Variants in ANK3 observed in about 807,000 individuals in gnomAD.
The protein encoded by ANK3 is ankyrin 3.
ANK3 carries 57 observed loss-of-function variants against 370.9 expected under a neutral mutation model. The ratio of observed to expected loss-of-function variants is 0.15; its 90% CI spans 0.12 to 0.19. The LOEUF is 0.19. ANK3 is among the 10% of genes least tolerant of loss of function. The pLI is 1.00. For synonymous variants in ANK3, 1,929 were observed against 1,946.3 expected (o/e 0.99, Z 0.23); for missense variants, 4,439 against 5,302.1 (o/e 0.84, Z 5.06).
intron 2 of ANK3, among the ~76,000 whole-genome samples, chr10:60,411,318 T>C (rs1292782666): frequency 6.6e-6 from 1 of 152,258 alleles, no homozygotes. Flanking sequence ...TAGCAATAAC[T>C]GTACTTTCTG....
rs758009262 is a variant in ANK3, at chr10:60,083,617, C to T, written c.4075G>A (p.Val1359Ile). The T allele has an allele frequency of 1.3e-6, 2 of 1,587,884 alleles. No individual in the cohort carries two copies. Among genetic ancestry groups the T allele is most frequent in the East Asian group, 2.2e-5 (1 of 44,564 alleles). The change falls in exon 33 of 44, where the codon GTT becomes ATT. Residue 1359 changes from valine (V) to isoleucine (I), a missense_variant and splice_region_variant. Val to Ile is a conservative substitution (Grantham distance 29, BLOSUM62 3). Coordinates refer to ENST00000280772, the MANE Select transcript of ANK3 (RefSeq NM_020987.5). ...EEVARSKDIE[V>I]LEGKPIYVDC... Reference sequence around the variant, plus strand: ...ACATAAATAGGTTTTCCTTCCAGAACCTTTTAGAGTAAAAGAAATAAACAA... The same window carrying T: ...ACATAAATAGGTTTTCCTTCCAGAATCTTTTAGAGTAAAAGAAATAAACAA...
intron 18 of ANK3, among the ~76,000 whole-genome samples, chr10:60,177,950 A>G (rs1277236646): frequency 6.6e-6 from 1 of 152,126 alleles, no homozygotes; most frequent in Non-Finnish European, 1.5e-5. Flanking sequence ...CACTTAGTTC[A>G]GGCCTTCTTT....
At position 60,075,535 on chromosome 10, in the gene ANK3, A is replaced by C. The variant is rs1468781207; in HGVS notation, c.5346T>G (p.Val1782=). 6.2e-7 allele frequency: 1 copy of C among 1,613,988 alleles called. No individual in the cohort carries two copies. Among genetic ancestry groups the C allele is most frequent in the Non-Finnish European group, 8.5e-7 (1 of 1,180,000 alleles). Residue 1782 remains valine (V), a synonymous_variant, in exon 37 of 44, where the codon GTT becomes GTG. Transcript: ENST00000280772. ...ACTGAAAAGCTGATGGTGCTGCAGA[A>C]ACATATGACCTGAGTGGGGAAAATG... ...AMPFSPLRSY[V]SAAPSAFQSL...
intron 2 of ANK3, among the ~76,000 whole-genome samples, chr10:60,395,568 C>CTTTCTTTCT (rs1555367104): frequency 5.1e-5 from 6 of 116,682 alleles, no homozygotes; most frequent in Non-Finnish European, 1.0e-4. Context: ...TTCTTTCTTT[C>CTTTCTTTCT]TTTCTTTCTT....
At chr10:60,368,975 C>G (rs1363357104) in intron 1 of ANK3, among the ~76,000 whole-genome samples, 1 of 152,094 alleles carries the variant, frequency 6.6e-6, no homozygotes, top group Non-Finnish European at 1.5e-5. Context: ...ACTTTCAGGG[C>G]TGATGAAAGG....
intron 2 of ANK3, among the ~76,000 whole-genome samples, chr10:60,402,071 T>A (rs2132905724): frequency 6.6e-6 from 1 of 152,348 alleles, no homozygotes; most frequent in East Asian, 1.9e-4. Flanking sequence ...TGTTTCATTT[T>A]ACTTACAACT....
intron 2 of ANK3, among the ~76,000 whole-genome samples, chr10:60,492,150 G>T (rs576018788): frequency 6.6e-6 from 1 of 152,276 alleles, no homozygotes; most frequent in Non-Finnish European, 1.5e-5. Flanking sequence ...GCCTGGATGT[G>T]CAGTAGGCTA....
intron 1 of ANK3, among the ~76,000 whole-genome samples, chr10:60,351,501 C>A (rs931020387): frequency 6.6e-6 from 1 of 152,108 alleles, no homozygotes; most frequent in Non-Finnish European, 1.5e-5. Flanking sequence ...CTGCTCCATC[C>A]CAGGGCAGGA....
chr10:60,335,046 T>C (rs1194600512), intron 1 of ANK3, among the ~76,000 whole-genome samples: 2 of 152,170 alleles, frequency 1.3e-5, no homozygotes, highest in Non-Finnish European at 2.9e-5. Context: ...GGCTAGGTCC[T>C]CTATTTCAAC....
At chr10:60,262,760 C>A (rs897748041) in intron 6 of ANK3, among the ~76,000 whole-genome samples, 1 of 152,170 alleles carries the variant, frequency 6.6e-6, no homozygotes, top group Non-Finnish European at 1.5e-5. Flanking sequence ...TCATGCACAA[C>A]CCTAAAAAAC....
At chr10:60,296,844 G>C (rs1301783702) in intron 1 of ANK3, among the ~76,000 whole-genome samples, 2 of 152,156 alleles carry the variant, frequency 1.3e-5, no homozygotes, top group African/African-American at 4.8e-5. Context: ...GCTGGGTGTG[G>C]TGGTCTACAC....
At chr10:60,273,159 A>G (rs2098027353) in intron 4 of ANK3, among the ~76,000 whole-genome samples, 1 of 152,206 alleles carries the variant, frequency 6.6e-6, no homozygotes, top group African/African-American at 2.4e-5. Context: ...AGGACTACTT[A>G]GAAATATTTG....
intron 2 of ANK3, among the ~76,000 whole-genome samples, chr10:60,437,190 G>A (rs1265508727): frequency 6.6e-6 from 1 of 152,144 alleles, no homozygotes; most frequent in African/African-American, 2.4e-5. Context: ...CATGAACACA[G>A]GCAGATGGTC....
chr10:60,390,981 T>G (rs2063056858), upstream of ANK3, among the ~76,000 whole-genome samples: 1 of 152,182 alleles, frequency 6.6e-6, no homozygotes, highest in Admixed American at 6.5e-5. Context: ...GGAGCTGTTG[T>G]TTGTCTGCTT....
chr10:60,433,317 A>T (rs183078277), intron 2 of ANK3, among the ~76,000 whole-genome samples: 2 of 152,122 alleles, frequency 1.3e-5, no homozygotes, highest in Non-Finnish European at 2.9e-5. Context: ...AGAACTTGTC[A>T]TGCTCTCCTC....
chr10:60,250,571 T>C (rs1330815881), intron 7 of ANK3, among the ~76,000 whole-genome samples: 1 of 152,084 alleles, frequency 6.6e-6, no homozygotes, highest in Non-Finnish European at 1.5e-5. Context: ...TTCACCATGT[T>C]AGCCAGGATG....
chr10:60,172,742 C>T (rs1357320088), intron 20 of ANK3, among the ~76,000 whole-genome samples, 158 bp downstream of exon 20: 1 of 152,168 alleles, frequency 6.6e-6, no homozygotes, highest in Non-Finnish European at 1.5e-5. Flanking sequence ...TCTCTCTGAA[C>T]AGCTCAGAAC....
In ANK3 at chr10:60,074,449, A is replaced by G. The variant is rs375149033; in HGVS notation, c.6432T>C (p.Ala2144=). 6.2e-7 allele frequency: 1 copy of G among 1,614,130 alleles called. No homozygotes were observed. The highest frequency in any genetic ancestry group is 8.5e-7 in the Non-Finnish European group (1 of 1,179,988). ...AAAGTGGTTTAGGACCAGTGCTTTCAGCGCTTTGTGGGGCTGAAGGTGTCT... is the reference window on the plus strand; with the variant it reads ...AAAGTGGTTTAGGACCAGTGCTTTCGGCGCTTTGTGGGGCTGAAGGTGTCT... ...SEKTPSAPQS[A]ESTGPKPLFH... Residue 2144 remains alanine (A), a synonymous_variant, in exon 37 of 44, where the codon GCT becomes GCC. Coordinates refer to ENST00000280772, the MANE Select transcript of ANK3 (RefSeq NM_020987.5).
At chr10:60,153,209 T>C (rs1357746770) in intron 23 of ANK3, among the ~76,000 whole-genome samples, 1 of 152,180 alleles carries the variant, frequency 6.6e-6, no homozygotes, top group South Asian at 2.1e-4. Flanking sequence ...CTTTGGATGG[T>C]TTTAAGCTAA....
Sources: gnomAD v4.1 joint callset for allele counts (sites outside exome capture counted in the v4.1 genomes callset) on GRCh38, gnomAD v4.1.1 for gene constraint, MANE v1.5 for transcripts, NCBI Gene and HGNC (gene_info 2026-07-23, HGNC 2026-07-21) for gene names.